The following PLCH1 variants were observed in gnomAD, a reference collection of about 807,000 sequenced individuals.
PLCH1 encodes phospholipase C eta 1.
Under a neutral mutation model 126.7 loss-of-function variants are expected in PLCH1, and 60 were observed. The ratio of observed to expected loss-of-function variants is 0.47; its 90% CI spans 0.38 to 0.59. PLCH1 has a LOEUF of 0.59. Ranked by LOEUF, PLCH1 falls within the 20% of genes least tolerant of loss-of-function variation. PLCH1 has a pLI of 0.00. For missense variants in PLCH1, 1,723 were observed against 2,040.0 expected (o/e 0.84, Z 2.99); for synonymous variants, 719 against 734.9 (o/e 0.98, Z 0.35).
intron 2 of PLCH1, among the ~76,000 whole-genome samples, chr3:155,690,970 C>T (rs1690067961): frequency 6.6e-6 from 1 of 152,186 alleles, no homozygotes; most frequent in African/African-American, 2.4e-5. Context: ...CCCCTAGTTC[C>T]TCAGCCCCCT....
chr3:155,712,888 T>C (rs1747242411), intron 1 of PLCH1, among the ~76,000 whole-genome samples: 1 of 151,690 alleles, frequency 6.6e-6, no homozygotes, highest in South Asian at 2.1e-4. Flanking sequence ...TCTCCTTCAG[T>C]ATCCTTTTCC....
At chr3:155,499,535 T>C (rs942390297) in intron 14 of PLCH1, among the ~76,000 whole-genome samples, 6 of 152,340 alleles carry the variant, frequency 3.9e-5, no homozygotes, top group African/African-American at 1.2e-4. Flanking sequence ...ATTAGGTTAC[T>C]AAAGTCCCAA....
At position 155,597,024 on chromosome 3, in the gene PLCH1, T is replaced by C. The variant is rs572008685; in HGVS notation, c.80-646A>G. ...ATCCAGGTAATATCCAAATCACTTA[T>C]AGTCCAAGTTAAAGTTGTCATTTAA... On this transcript the variant is annotated intron_variant, in intron 2 of 22. Coordinates refer to ENST00000460012, the MANE Select transcript of PLCH1 (RefSeq NM_014996.4). Among the ~76,000 whole-genome samples, 126 of 152,374 alleles carry C rather than the reference T, an allele frequency of 8.3e-4. 1 individual carries two copies. The highest frequency in any genetic ancestry group is 1.5e-3 in the Non-Finnish European group (99 of 68,036).
chr3:155,478,466 A>T (rs559581428), downstream of PLCH1, among the ~76,000 whole-genome samples: 1 of 152,174 alleles, frequency 6.6e-6, no homozygotes, highest in South Asian at 2.1e-4. Context: ...TCCATTCTCC[A>T]TGATGTGCTT....
intron 21 of PLCH1, chr3:155,457,086 ACTG>A (rs1164925971): frequency 6.6e-6 from 1 of 152,304 alleles, no homozygotes; most frequent in Non-Finnish European, 1.5e-5. Flanking sequence ...GGCAGAAACA[ACTG>A]CTGCCTTGCG....
At chr3:155,471,526 A>G (rs1308792988) in intron 21 of PLCH1, among the ~76,000 whole-genome samples, 3 of 146,888 alleles carry the variant, frequency 2.0e-5, no homozygotes, top group Non-Finnish European at 4.5e-5. Flanking sequence ...AACGAGACAG[A>G]AAGTCAACAA....
intron 12 of PLCH1, among the ~76,000 whole-genome samples, chr3:155,514,032 C>T (rs1334650464): frequency 6.6e-6 from 1 of 152,070 alleles, no homozygotes; most frequent in Admixed American, 6.6e-5. Context: ...GACAGGAGAA[C>T]CAGACTTGAG....
chr3:155,595,149 T>C (rs141208148), intron 3 of PLCH1, among the ~76,000 whole-genome samples: 1 of 152,190 alleles, frequency 6.6e-6, no homozygotes, highest in South Asian at 2.1e-4. Flanking sequence ...GGGAGAATAA[T>C]GGGAGATAAA....
At chr3:155,504,491 C>A in intron 13 of PLCH1, 64 bp downstream of exon 13, 1 of 884,720 alleles carries the variant, frequency 1.1e-6, no homozygotes, top group Non-Finnish European at 1.9e-6. Flanking sequence ...ATGATATTCT[C>A]CTGTTATCTT....
At chr3:155,523,120 G>A (rs934198086) in intron 11 of PLCH1, among the ~76,000 whole-genome samples, 18 of 152,120 alleles carry the variant, frequency 1.2e-4, no homozygotes, top group African/African-American at 9.6e-5. Flanking sequence ...GACTACAGGC[G>A]CCCACCACCA....
At chr3:155,719,889 G>C (rs1202937983) in intron 1 of PLCH1, among the ~76,000 whole-genome samples, 3 of 151,624 alleles carry the variant, frequency 2.0e-5, no homozygotes. Context: ...TCCGCCTCTC[G>C]AGCTCAAGCA....
At chr3:155,656,175 C>CCT (rs1741341199) in intron 2 of PLCH1, among the ~76,000 whole-genome samples, 1 of 151,096 alleles carries the variant, frequency 6.6e-6, no homozygotes. Flanking sequence ...TACCCCCCCC[C>CCT]AAATAAAAAC....
chr3:155,636,746 C>CAA (rs113079414), intron 2 of PLCH1, among the ~76,000 whole-genome samples: 36,705 of 139,204 alleles, frequency 0.26, 4,902 homozygotes, highest in East Asian at 0.43. Context: ...AACTCCATCT[C>CAA]AAAAAAAAAA....
intron 6 of PLCH1, among the ~76,000 whole-genome samples, chr3:155,582,594 A>AT (rs1441353599): frequency 1.3e-5 from 2 of 152,132 alleles, no homozygotes; most frequent in African/African-American, 2.4e-5. Context: ...ATATTTGATG[A>AT]TTTTTTACAA....
chr3:155,540,353 C>T (rs1183815938), intron 10 of PLCH1, among the ~76,000 whole-genome samples: 2 of 152,058 alleles, frequency 1.3e-5, no homozygotes, highest in African/African-American at 4.8e-5. Context: ...TGACTAAGAA[C>T]CCAAGAGTGA....
chr3:155,490,347 G>T (rs908450257), intron 19 of PLCH1, among the ~76,000 whole-genome samples: 1 of 151,982 alleles, frequency 6.6e-6, no homozygotes, highest in African/African-American at 2.4e-5. Context: ...AAGTAAACTC[G>T]CCAGACTATA....
intron 10 of PLCH1, among the ~76,000 whole-genome samples, chr3:155,543,271 T>G (rs1195734761): frequency 6.6e-6 from 1 of 152,112 alleles, no homozygotes; most frequent in East Asian, 1.9e-4. Context: ...TGCAATCAAT[T>G]TGAAGAAAGG....
intron 2 of PLCH1, among the ~76,000 whole-genome samples, chr3:155,638,207 A>T (rs1302294239): frequency 6.6e-6 from 1 of 152,232 alleles, no homozygotes; most frequent in African/African-American, 2.4e-5. Flanking sequence ...ACAAGAGAAT[A>T]TGATTTCAAA....
At chr3:155,626,586 G>A (rs1442536681) in intron 2 of PLCH1, among the ~76,000 whole-genome samples, 2 of 151,704 alleles carry the variant, frequency 1.3e-5, no homozygotes, top group Non-Finnish European at 2.9e-5. Flanking sequence ...TGGCTAAAAC[G>A]GTGAGACCCC....
Sources: gnomAD v4.1 joint callset for allele counts (sites outside exome capture counted in the v4.1 genomes callset) on GRCh38, gnomAD v4.1.1 for gene constraint, MANE v1.5 for transcripts, NCBI Gene and HGNC (gene_info 2026-07-23, HGNC 2026-07-21) for gene names.